SLFN12L: variants seen among roughly 807,000 people sequenced by gnomAD.
SLFN12L encodes the protein schlafen family member 12 like.
A neutral mutation model predicts 34.8 loss-of-function variants in SLFN12L; 34 were observed. That is an observed-to-expected ratio of 0.98 (90% CI 0.74 to 1.30). SLFN12L has a LOEUF of 1.30. Among genes scored for constraint, SLFN12L ranks in the 50% most tolerant of loss-of-function variants. The pLI, the probability that SLFN12L is intolerant of heterozygous loss-of-function variation, is 0.00. For missense variants in SLFN12L, 703 were observed against 696.2 expected, an observed-to-expected ratio of 1.01 and a Z score of -0.11; for synonymous variants, 259 against 247.5, an observed-to-expected ratio of 1.05 and a Z score of -0.44.
At chr17:35,495,724 G>A (rs1334152956) in intron 2 of SLFN12L, among the ~76,000 whole-genome samples, 5 of 148,472 alleles carry the variant, frequency 3.4e-5, no homozygotes, top group Admixed American at 2.0e-4. Flanking sequence ...AGAGATTGGT[G>A]CCCACTCGAC....
rs1025028511 is a variant in SLFN12L at position 35,469,772 on chromosome 17, A to T, written c.*5151T>A. Among the ~76,000 whole-genome samples, 1 of 152,132 alleles carries T rather than the reference A, an allele frequency of 6.6e-6. No homozygotes were observed. Among genetic ancestry groups the T allele is most frequent in the African/African-American group, 2.4e-5 (1 of 41,418 alleles). ...TCTAAGCTACTCACACATCGAGCCA[A>T]TATTTTCCCTACCCTACATAAACCC... On this transcript the variant is annotated 3_prime_UTR_variant, in exon 5 of 5. Coordinates refer to ENST00000628453, the MANE Select transcript of SLFN12L (RefSeq NM_001363830.2).
intron 2 of SLFN12L, chr17:35,499,766 T>C (rs34437725): frequency 0.032 from 7,947 of 247,158 alleles, 280 homozygotes; most frequent in South Asian, 0.1. Context: ...ACACAGGAAG[T>C]AGAGTTGCTA....
chr17:35,518,983 T>C (rs921807060), intron 2 of SLFN12L, among the ~76,000 whole-genome samples: 64 of 152,008 alleles, frequency 4.2e-4, no homozygotes, highest in African/African-American at 1.4e-3. Flanking sequence ...ATAAAGAAAA[T>C]GTGGCACGTA....
In SLFN12L at chr17:35,480,087, A is replaced by G. The variant is rs752658993; in HGVS notation, c.195T>C (p.Leu65=). Residue 65 remains leucine (L), a synonymous_variant, in exon 3 of 5, where the codon CTT becomes CTC. Transcript: ENST00000628453. ...TCATTTTTTTTCTATTGTTCTCTCC[A>G]AGAGTGACTCTTCCCACATTTAGAA... is the stretch of plus-strand genomic sequence containing the variant. ...ELVLNVGRVT[L]GENNRKKMKD... is the part of the protein sequence containing the mutation. 1 of 1,613,940 alleles carries G rather than the reference A, an allele frequency of 6.2e-7. No homozygotes were observed.
chr17:35,466,191 T>G lies in SLFN12L; in HGVS notation c.*8732A>C. Among the ~76,000 whole-genome samples, 1 of 152,208 alleles carries G rather than the reference T, an allele frequency of 6.6e-6. No individual in the cohort carries two copies. The highest frequency in any genetic ancestry group is 1.5e-5 in the Non-Finnish European group (1 of 68,034). On this transcript the variant is annotated 3_prime_UTR_variant, in exon 5 of 5. Transcript: ENST00000628453. ...ATCCATTGCGACTTTTACATTAGCG[T>G]TCATTCTTCTTGTACATTTTATGGG...
At position 35,473,013 on chromosome 17, in the gene SLFN12L, CTT is replaced by C. The variant is rs776988017; in HGVS notation, c.*1908_*1909del. Among the ~76,000 whole-genome samples the C allele has an allele frequency of 4.6e-5, 7 of 152,268 alleles. No individual in the cohort carries two copies. In the South Asian group the frequency reaches 1.2e-3, roughly 27 times the overall value. On this transcript the variant is annotated 3_prime_UTR_variant, in exon 5 of 5. Transcript: ENST00000628453. ...TGCACATTGATTTTGTATCCTGAGA[CTT>C]TGCTGAAGTTGCTTATCAGCTTAAG...
chr17:35,486,733 A>G, intron 2 of SLFN12L, among the ~76,000 whole-genome samples: 1 of 152,132 alleles, frequency 6.6e-6, no homozygotes, highest in East Asian at 1.9e-4. Flanking sequence ...ACTTTTGACT[A>G]TAGGGGAAAT....
At position 35,525,466 on chromosome 17, in the gene SLFN12L, T is replaced by A. The variant is rs969347284; in HGVS notation, c.-605-2497A>T. Among the ~76,000 whole-genome samples the A allele has an allele frequency of 2.0e-5, 3 of 152,226 alleles. No individual in the cohort carries two copies. In the East Asian group the frequency reaches 5.8e-4, roughly 29 times the overall value. Reference sequence around the variant, plus strand: ...TGTTAAGGGCAGCCAGAGAGAAAGGTTGGGTTACCCACAAACGGAAGCCCA... The same window carrying A: ...TGTTAAGGGCAGCCAGAGAGAAAGGATGGGTTACCCACAAACGGAAGCCCA... On this transcript the variant is annotated intron_variant, in intron 1 of 4. Coordinates refer to ENST00000628453, the MANE Select transcript of SLFN12L (RefSeq NM_001363830.2).
intron 2 of SLFN12L, among the ~76,000 whole-genome samples, chr17:35,521,551 T>C (rs1915996524): frequency 1.3e-5 from 2 of 152,184 alleles, no homozygotes; most frequent in South Asian, 4.1e-4. Flanking sequence ...ATTGCAGAGA[T>C]AGGCAGGCAC....
intron 2 of SLFN12L, among the ~76,000 whole-genome samples, chr17:35,500,832 T>C (rs1463652059): frequency 6.6e-6 from 1 of 152,140 alleles, no homozygotes; most frequent in African/African-American, 2.4e-5. Flanking sequence ...GCTGTTGTGC[T>C]CCATTCTGAT....
intron 2 of SLFN12L, among the ~76,000 whole-genome samples, chr17:35,513,384 T>C (rs1054452072): frequency 6.6e-6 from 1 of 151,742 alleles, no homozygotes; most frequent in Non-Finnish European, 1.5e-5. Context: ...AAAAACAAGG[T>C]TAATGACACT....
rs529331172 is a variant in SLFN12L, at chr17:35,523,017, T to A, written c.-605-48A>T. 2.6e-5 allele frequency: 11 copies of A among 421,006 alleles called. No individual in the cohort carries two copies. The East Asian group carries it at 4.1e-4, about 16-fold the overall frequency. The allele number at this position is 421,006 out of a possible 1,614,324, so 26.1% of individuals were successfully genotyped here. On this transcript the variant is annotated intron_variant, in intron 1 of 4. Transcript: ENST00000628453. ...ATTAGGGGAAGGAGAAGAATCATACTGATTATGACAATTAGTTATAATTAA... is the reference window on the plus strand; with the variant it reads ...ATTAGGGGAAGGAGAAGAATCATACAGATTATGACAATTAGTTATAATTAA...
At position 35,475,162 on chromosome 17, in the gene SLFN12L, C is replaced by T. The variant is rs768136126; in HGVS notation, c.1600G>A (p.Val534Met). ...TAGAAGATCTTTGTCATGACACACACTTTTTTAGTGTAACCACCAATTTTT... is the reference window on the plus strand; with the variant it reads ...TAGAAGATCTTTGTCATGACACACATTTTTTTAGTGTAACCACCAATTTTT... ...LAKIGGYTKK[V>M]CVMTKIFYLS... Residue 534 changes from valine (V) to methionine (M), a missense_variant, in exon 5 of 5, where the codon GTG becomes ATG. By Grantham distance (21) the Val-to-Met change is conservative. Transcript: ENST00000628453. The T allele has an allele frequency of 6.2e-7, 1 of 1,614,154 alleles. No individual in the cohort carries two copies. The highest frequency in any genetic ancestry group is 8.5e-7 in the Non-Finnish European group (1 of 1,180,028).
chr17:35,506,710 T>G (rs1915474519), intron 2 of SLFN12L, among the ~76,000 whole-genome samples: 1 of 152,210 alleles, frequency 6.6e-6, no homozygotes, highest in African/African-American at 2.4e-5. Context: ...CAATGTCACT[T>G]CATGTTATGT....
intron 1 of SLFN12L, among the ~76,000 whole-genome samples, chr17:35,524,598 C>T (rs866776847): frequency 1.3e-5 from 2 of 152,210 alleles, no homozygotes; most frequent in African/African-American, 4.8e-5. Flanking sequence ...TGCAGTGGAC[C>T]TCCAGCAAAC....
intron 2 of SLFN12L, among the ~76,000 whole-genome samples, chr17:35,482,535 C>T (rs1202038023): frequency 1.3e-5 from 2 of 152,218 alleles, no homozygotes; most frequent in Non-Finnish European, 2.9e-5. Context: ...AATCCTGCCC[C>T]ACAACCCTGC....
chr17:35,531,931 G>A (rs191146033), intron 1 of SLFN12L, among the ~76,000 whole-genome samples: 63 of 151,868 alleles, frequency 4.1e-4, no homozygotes, highest in African/African-American at 1.3e-3. Flanking sequence ...CACCCAGCCC[G>A]GCCTGACAAC....
intron 2 of SLFN12L, chr17:35,487,878 C>G: frequency 1.1e-6 from 1 of 896,560 alleles, no homozygotes; most frequent in Non-Finnish European, 1.8e-6. Context: ...GCACCGCACG[C>G]GCTGTTATCG....
intron 2 of SLFN12L, chr17:35,490,131 TCTACACCACGCCGCAGGGACCCTCCA>T: frequency 1.9e-6 from 3 of 1,606,460 alleles, no homozygotes. Context: ...GGCAACCTCC[TCTACACCACGCCGCAGGGACCCTCCA>T]GCAGAGCCGG....
Sources: gnomAD v4.1 joint callset for allele counts (sites outside exome capture counted in the v4.1 genomes callset) on GRCh38, gnomAD v4.1.1 for gene constraint, MANE v1.5 for transcripts, NCBI Gene and HGNC (gene_info 2026-07-23, HGNC 2026-07-21) for gene names.